The following LRBA variants were observed in gnomAD, a reference collection of about 807,000 sequenced individuals.
LRBA encodes the protein lipopolysaccharide-responsive and beige-like anchor protein.
In LRBA, 176 loss-of-function variants were observed where a neutral mutation model predicts 330.0. That is an observed-to-expected ratio of 0.53 (90% CI 0.47 to 0.60). LRBA has a LOEUF of 0.60. Among genes scored for constraint, LRBA ranks in the 20% least tolerant of loss-of-function variants. The pLI, the probability that LRBA is intolerant of heterozygous loss-of-function variation, is 0.00. For missense variants in LRBA, 3,259 were observed against 3,444.8 expected, an observed-to-expected ratio of 0.95 and a Z score of 1.35; for synonymous variants, 1,230 against 1,193.0, an observed-to-expected ratio of 1.03 and a Z score of -0.64.
Position 150,583,149 on chromosome 4 carries a change from C to G in LRBA, c.6330+4899G>C, listed in dbSNP as rs748414369. ...GAGAGGTCTGTAAGGTGGTCTCGGA[C>G]GTGCTCAAGGAAGTGGAGGTGCAGG... On this transcript the variant is annotated intron_variant, in intron 40 of 56. Transcript: ENST00000651943. This position sits in a 1 kb window ranked among gnomAD's most constrained non-coding sequence, Gnocchi z 9.8. The G allele has an allele frequency of 5.1e-5, 82 of 1,614,082 alleles. No homozygotes were observed. The South Asian group carries it at 9.0e-4, about 18-fold the overall frequency.
chr4:150,723,304 T>C (rs989688593), intron 36 of LRBA, among the ~76,000 whole-genome samples: 1 of 152,212 alleles, frequency 6.6e-6, no homozygotes, highest in Non-Finnish European at 1.5e-5. Flanking sequence ...TCCTTGCTTC[T>C]GCTTAATGAG....
At chr4:150,667,291 T>C (rs1485683173) in intron 37 of LRBA, among the ~76,000 whole-genome samples, 2 of 152,108 alleles carry the variant, frequency 1.3e-5, no homozygotes, top group Non-Finnish European at 2.9e-5. Context: ...CAGGATTAAC[T>C]TCGTTGGGCA....
At chr4:150,767,849 G>A (rs1440100968) in intron 34 of LRBA, among the ~76,000 whole-genome samples, 1 of 151,306 alleles carries the variant, frequency 6.6e-6, no homozygotes, top group Non-Finnish European at 1.5e-5. Context: ...AGACCAGGAG[G>A]TCAGGAGATC....
chr4:150,947,566 C>T (rs1454561055), intron 2 of LRBA, among the ~76,000 whole-genome samples: 5 of 151,938 alleles, frequency 3.3e-5, no homozygotes, highest in Non-Finnish European at 7.4e-5. Flanking sequence ...AAACCTACGA[C>T]TAACATTATA....
chr4:150,517,731 T>C (rs1286797319), intron 40 of LRBA, among the ~76,000 whole-genome samples: 2 of 152,158 alleles, frequency 1.3e-5, no homozygotes, highest in African/African-American at 4.8e-5. Context: ...TTTCTAAATT[T>C]TTTTCTATGT....
At chr4:150,579,345 A>T (rs770456866) in intron 40 of LRBA, 1 of 450,360 alleles carries the variant, frequency 2.2e-6, no homozygotes, top group South Asian at 1.6e-5. Context: ...CTTAGAGCAG[A>T]GGCAGCCAGA....
chr4:150,811,716 G>A (rs1057387892), intron 31 of LRBA, among the ~76,000 whole-genome samples: 5 of 151,966 alleles, frequency 3.3e-5, no homozygotes, highest in Non-Finnish European at 7.4e-5. Flanking sequence ...TGTTGTCCAG[G>A]CTAGTCTTGA....
intron 28 of LRBA, among the ~76,000 whole-genome samples, chr4:150,842,003 T>C (rs1749159260): frequency 6.6e-6 from 1 of 152,222 alleles, no homozygotes; most frequent in Non-Finnish European, 1.5e-5. Context: ...CTAAAGAGAC[T>C]AAACTCTAGC....
At chr4:151,001,193 C>A (rs1743281958) in intron 2 of LRBA, among the ~76,000 whole-genome samples, 1 of 152,190 alleles carries the variant, frequency 6.6e-6, no homozygotes, top group Non-Finnish European at 1.5e-5. Context: ...GGTGCACAGA[C>A]AGAAGTAAGA....
At chr4:150,922,417 T>TATATATATATATATA (rs1561010323) in intron 4 of LRBA, among the ~76,000 whole-genome samples, 3 of 147,806 alleles carry the variant, frequency 2.0e-5, no homozygotes, top group East Asian at 2.0e-4. Context: ...TATATATATA[T>TATATATATATATATA]GATGGAATAC....
At chr4:150,287,770 G>A (rs148425358) in intron 53 of LRBA, among the ~76,000 whole-genome samples, 1 of 152,290 alleles carries the variant, frequency 6.6e-6, no homozygotes, top group East Asian at 1.9e-4. Flanking sequence ...AAGGGGGTAG[G>A]CAGAACAAGG....
chr4:150,687,076 C>T (rs369153155), intron 36 of LRBA, among the ~76,000 whole-genome samples: 1 of 151,988 alleles, frequency 6.6e-6, no homozygotes, highest in Non-Finnish European at 1.5e-5. Flanking sequence ...CTTTGTGGAA[C>T]CTTAGGGTCA....
chr4:150,653,250 A>G lies in LRBA; in HGVS notation c.5921+30301T>C, dbSNP rs1039088461. 3.9e-5 allele frequency among the ~76,000 whole-genome samples: 6 copies of G among 152,330 alleles called. No homozygotes were observed. In the East Asian group the frequency reaches 1.2e-3, roughly 29 times the overall value. ...ACATATAGAAAAATGAGATAAACAT[A>G]TGATTCTCAAAATATTAGGTTTTTG... On this transcript the variant is annotated intron_variant, in intron 37 of 56. Coordinates refer to ENST00000651943, the MANE Select transcript of LRBA (RefSeq NM_001364905.1).
intron 52 of LRBA, among the ~76,000 whole-genome samples, chr4:150,304,057 T>C (rs1730040771): frequency 6.6e-6 from 1 of 152,210 alleles, no homozygotes; most frequent in African/African-American, 2.4e-5. Flanking sequence ...ACCCTTAATA[T>C]TCAGCATGGC....
chr4:150,849,175 A>G (rs1750278437), intron 25 of LRBA, among the ~76,000 whole-genome samples, 177 bp from the exon 26 acceptor site: 1 of 152,206 alleles, frequency 6.6e-6, no homozygotes. Context: ...GAGGAGCAAC[A>G]GAACCATACA....
chr4:150,977,674 A>AAAAGGGTGAG (rs1475696840), intron 2 of LRBA, among the ~76,000 whole-genome samples: 1 of 152,202 alleles, frequency 6.6e-6, no homozygotes, highest in African/African-American at 2.4e-5. Flanking sequence ...CCTGCTGCCC[A>AAAAGGGTGAG]AAAGGGTGAG....
chr4:150,927,624 T>C (rs1734026299), intron 4 of LRBA, among the ~76,000 whole-genome samples: 1 of 152,084 alleles, frequency 6.6e-6, no homozygotes, highest in Admixed American at 6.6e-5. Flanking sequence ...AAGAAGACAG[T>C]ATTTGAAGAA....
intron 17 of LRBA, among the ~76,000 whole-genome samples, chr4:150,888,377 C>G (rs1220636520): frequency 3.9e-5 from 6 of 152,110 alleles, no homozygotes; most frequent in African/African-American, 1.2e-4. Context: ...AAACTTTTTT[C>G]TCTCTTCAAT....
intron 31 of LRBA, among the ~76,000 whole-genome samples, chr4:150,809,596 A>C (rs1031417639): frequency 1.3e-5 from 2 of 152,178 alleles, no homozygotes; most frequent in Non-Finnish European, 2.9e-5. Context: ...GGCTCACGCC[A>C]GTAATCCCAA....
Sources: allele counts gnomAD v4.1 joint callset (sites outside exome capture counted in the v4.1 genomes callset), GRCh38; gene constraint gnomAD v4.1.1; non-coding constraint Gnocchi (gnomAD v3.1); transcripts MANE v1.5; gene names NCBI Gene and HGNC (gene_info 2026-07-23, HGNC 2026-07-21).